Variants in TCEAL4 observed in about 807,000 individuals in gnomAD.
TCEAL4 encodes the protein transcription elongation factor A like 4, also known as transcription elongation factor A protein-like 4.
TCEAL4 carries 1 observed loss-of-function variant against 1.3 expected under a neutral mutation model. That is an observed-to-expected ratio of 0.79 (90% CI 0.28 to 3.76). The LOEUF (loss-of-function observed/expected upper bound fraction) is 3.76, where lower values mean the gene tolerates loss of function less well. Ranked by LOEUF, TCEAL4 falls within the 30% of genes most tolerant of loss-of-function variation. The pLI, the probability that TCEAL4 is intolerant of heterozygous loss-of-function variation, is 0.18. For missense variants in TCEAL4, 129 were observed against 154.7 expected, an observed-to-expected ratio of 0.83 and a Z score of 0.88; for synonymous variants, 54 against 50.7, an observed-to-expected ratio of 1.06 and a Z score of -0.28.
intron 1 of TCEAL4, chrX:103,586,018 G>A: frequency 1.9e-6 from 2 of 1,078,651 alleles, no homozygotes; most frequent in Non-Finnish European, 2.4e-6. Context: ...CTCTGAGGAA[G>A]AAGGGCACAG....
upstream of TCEAL4, among the ~76,000 whole-genome samples, chrX:103,582,390 G>A (rs756813556): frequency 1.8e-5 from 2 of 111,747 alleles, no homozygotes; most frequent in South Asian, 7.5e-4. Context: ...ATTCTTCACA[G>A]AATTGAAAAA....
At chrX:103,586,350 G>A (rs2073547161) in intron 2 of TCEAL4, 59 bp downstream of exon 2, 1 of 1,140,296 alleles carries the variant, frequency 8.8e-7, no homozygotes, top group Non-Finnish European at 1.2e-6. Context: ...AGTGTGGAGG[G>A]CCCGGCCAGG....
upstream of TCEAL4, among the ~76,000 whole-genome samples, chrX:103,584,735 G>A (rs2073526421): frequency 8.9e-6 from 1 of 112,408 alleles, no homozygotes; most frequent in Non-Finnish European, 1.9e-5. Context: ...AGGCAGGGGA[G>A]TGGGAAAGCT....
At chrX:103,584,955 G>T (rs1362966593), upstream of TCEAL4, among the ~76,000 whole-genome samples, 1 of 112,930 alleles carries the variant, frequency 8.9e-6, no homozygotes, top group Non-Finnish European at 1.9e-5. Flanking sequence ...GAACATTTCT[G>T]CAGATGCTAT....
upstream of TCEAL4, among the ~76,000 whole-genome samples, chrX:103,582,792 A>T (rs191892874): frequency 2.8e-4 from 15 of 53,311 alleles, no homozygotes; most frequent in African/African-American, 1.1e-3. Flanking sequence ...AAAACCCAAA[A>T]CTACAAAAAC....
Position 103,586,848 on chromosome X carries a change from T to C in TCEAL4, c.173T>C (p.Met58Thr), listed in dbSNP as rs372347127. 7.5e-6 allele frequency: 9 copies of C among 1,197,303 alleles called. No homozygotes were observed. In the African/African-American group the frequency reaches 1.6e-4, roughly 21 times the overall value. ...AAGGGCAAAACAGGAGATGAGGAAA[T>C]GTTAAAGGATAAAGGAAAGCCAGAG... ...ENKGKTGDEE[M>T]LKDKGKPESE... The change falls in exon 3 of 3, where the codon ATG (methionine) becomes ACG (threonine). Residue 58 changes from methionine to threonine, a missense_variant. Coordinates refer to ENST00000472484, the MANE Select transcript of TCEAL4 (RefSeq NM_001006935.3).
chrX:103,576,593 G>A (rs984682168), intron 1 of TCEAL4: 60 of 607,600 alleles, frequency 9.9e-5, no homozygotes, highest in East Asian at 3.3e-4. Flanking sequence ...GTGAAACCCC[G>A]TCTCTGCTAA....
upstream of TCEAL4, among the ~76,000 whole-genome samples, chrX:103,581,292 G>T (rs2073506743): frequency 9.0e-6 from 1 of 111,337 alleles, no homozygotes; most frequent in Non-Finnish European, 1.9e-5. Flanking sequence ...CATATTCACA[G>T]CTGAATTTTA....
chrX:103,581,405 T>C (rs2073507384), upstream of TCEAL4, among the ~76,000 whole-genome samples: 1 of 110,990 alleles, frequency 9.0e-6, no homozygotes, highest in Non-Finnish European at 1.9e-5. Flanking sequence ...GTCAGCATCA[T>C]CCTAATACCA....
upstream of TCEAL4, among the ~76,000 whole-genome samples, chrX:103,584,933 G>T (rs1350890979): frequency 8.9e-6 from 1 of 112,571 alleles, no homozygotes; most frequent in Non-Finnish European, 1.9e-5. Context: ...CTAGCAAATT[G>T]ATTAAAGTCC....
chrX:103,577,383 T>C (rs1476927109), intron 2 of TCEAL4, among the ~76,000 whole-genome samples: 1 of 112,106 alleles, frequency 8.9e-6, no homozygotes, highest in East Asian at 2.8e-4. Flanking sequence ...GGTAGTCCTA[T>C]GTAGACTGAC....
At chrX:103,586,113 G>C in intron 1 of TCEAL4, 106 bp from the exon 2 acceptor site, 3 of 1,114,019 alleles carry the variant, frequency 2.7e-6, no homozygotes, top group Non-Finnish European at 3.5e-6. Flanking sequence ...CGGAGGTAGG[G>C]GAGGAAAACG....
rs1048820221 is a variant in TCEAL4, at chrX:103,585,542, C to T, written c.-183C>T. 6.1e-6 allele frequency: 7 copies of T among 1,156,069 alleles called. No homozygotes were observed. The highest frequency in any genetic ancestry group is 2.6e-5 in the Admixed American group (1 of 37,939). ...ACGGGCGCAGATGTAGGCACCGGTC[C>T]GAGTGCCTGCCCTCTGTCCCCGCGG... On this transcript the variant is annotated 5_prime_UTR_variant, in exon 1 of 3. Coordinates refer to ENST00000472484, the MANE Select transcript of TCEAL4 (RefSeq NM_001006935.3).
chrX:103,579,215 T>C (rs1322666194), intron 2 of TCEAL4, among the ~76,000 whole-genome samples: 1 of 112,448 alleles, frequency 8.9e-6, no homozygotes, highest in Non-Finnish European at 1.9e-5. Flanking sequence ...GATAGAAATC[T>C]GGAAGTGTGA....
chrX:103,579,455 A>G (rs1569388959), intron 2 of TCEAL4, among the ~76,000 whole-genome samples: 1 of 111,737 alleles, frequency 8.9e-6, no homozygotes, highest in African/African-American at 3.2e-5. Context: ...TCTTTCAACA[A>G]TTTTTTTTAG....
At chrX:103,585,337 A>AC (rs1350395387), upstream of TCEAL4, among the ~76,000 whole-genome samples, 2 of 109,983 alleles carry the variant, frequency 1.8e-5, no homozygotes, top group Non-Finnish European at 1.9e-5. Context: ...TAAAAAAAAA[A>AC]CTGTGATTTT....
chrX:103,582,078 GCTAGCATTC>G (rs1374616319), upstream of TCEAL4, among the ~76,000 whole-genome samples: 4 of 111,952 alleles, frequency 3.6e-5, no homozygotes, highest in African/African-American at 1.3e-4. Context: ...TGCAAATATT[GCTAGCATTC>G]CTATATACCA....
Position 103,576,625 on chromosome X carries a change from G to A in TCEAL4, c.63+93G>A, listed in dbSNP as rs915752083. 24 of 495,161 alleles carry A rather than the reference G, an allele frequency of 4.8e-5. No individual in the cohort carries two copies. In the African/African-American group the frequency reaches 5.6e-4, roughly 11 times the overall value. 40.8% of individuals were successfully genotyped at this position (495,161 alleles called of 1,213,427 possible). On this transcript the variant is annotated intron_variant, in intron 1 of 4. Coordinates refer to the TCEAL4 transcript ENST00000372629. ...CTAAAAATATAAAAATTAGCCTGGT[G>A]TGGTGGCATGCCCCTATAATCCCAG...
chrX:103,586,012 G>A lies in TCEAL4; in HGVS notation c.-100-207G>A, dbSNP rs758518843. On this transcript the variant is annotated intron_variant, in intron 1 of 2. Transcript: ENST00000472484. ...GAGGCTGGGGAGGAGAGTTGCCTCT[G>A]AGGAAGAAGGGCACAGAGACCCAAA... The A allele has an allele frequency of 1.1e-5, 12 of 1,076,901 alleles. No individual in the cohort carries two copies. In the African/African-American group the frequency reaches 1.5e-4, roughly 14 times the overall value. The allele number at this position is 1,076,901 out of a possible 1,213,427, so 88.7% of individuals were successfully genotyped here.
Sources: gnomAD v4.1 joint callset for allele counts (sites outside exome capture counted in the v4.1 genomes callset) on GRCh38, gnomAD v4.1.1 for gene constraint, MANE v1.5 for transcripts, NCBI Gene and HGNC (gene_info 2026-07-23, HGNC 2026-07-21) for gene names.